BCAS3: variants seen among roughly 807,000 people sequenced by gnomAD.
BCAS3 encodes BCAS3 microtubule associated cell migration factor.
A neutral mutation model predicts 116.1 loss-of-function variants in BCAS3; 53 were observed. The observed-to-expected ratio is 0.46, with a 90% CI of 0.37 to 0.57. The LOEUF (loss-of-function observed/expected upper bound fraction) is 0.57. Ranked by LOEUF, BCAS3 falls within the 20% of genes least tolerant of loss-of-function variation. The pLI is 0.00. For missense variants in BCAS3, 917 were observed against 1,165.4 expected (o/e 0.79, Z 3.10); for synonymous variants, 391 against 408.2 (o/e 0.96, Z 0.51).
At position 60,788,371 on chromosome 17, in the gene BCAS3, G is replaced by A. The variant is rs561375028; in HGVS notation, c.404-19633G>A. ...AAGATTTGTGTTTGGTGCTTTTTAA[G>A]GTCTGATGAGTCTAATCTGTGAAAG... is the stretch of plus-strand genomic sequence containing the variant. On this transcript the variant is annotated intron_variant, in intron 6 of 23. Transcript: ENST00000407086. Among the ~76,000 whole-genome samples, 648 of 152,220 alleles carry A rather than the reference G, an allele frequency of 4.3e-3. 2 individuals carry two copies. The highest frequency in any genetic ancestry group is 7.1e-3 in the Non-Finnish European group (481 of 67,994).
Position 60,680,112 on chromosome 17 carries a change from C to T in BCAS3, c.83+572C>T, listed in dbSNP as rs1215653798. Among the ~76,000 whole-genome samples, 7 of 122,148 alleles carry T rather than the reference C, an allele frequency of 5.7e-5. No individual in the cohort carries two copies. The South Asian group carries it at 7.8e-4, about 14-fold the overall frequency. The allele number at this position is 122,148 out of a possible 152,430, so 80.1% of individuals were successfully genotyped here. A position where few individuals can be genotyped will look rare whatever the true frequency, so the allele number is the denominator to read the frequency against. On this transcript the variant is annotated intron_variant, in intron 2 of 23. Transcript: ENST00000407086. ...TCGCGCCACTGCACCCTAGCCTGGG[C>T]GACACAGCAAGACTCTGTCTCCAAA...
At chr17:61,191,566 G>A (rs2080117673) in intron 22 of BCAS3, among the ~76,000 whole-genome samples, 1 of 151,788 alleles carries the variant, frequency 6.6e-6, no homozygotes, top group Non-Finnish European at 1.5e-5. Flanking sequence ...ACGAGGTCAG[G>A]AGATTGAGAC....
At chr17:61,009,437 A>C (rs2064955469) in intron 15 of BCAS3, among the ~76,000 whole-genome samples, 1 of 152,030 alleles carries the variant, frequency 6.6e-6, no homozygotes, top group Non-Finnish European at 1.5e-5. Context: ...ATTAACAATA[A>C]CTTTTAGAAA....
intron 22 of BCAS3, among the ~76,000 whole-genome samples, chr17:61,116,796 G>GA (rs916756596): frequency 2.0e-5 from 3 of 152,086 alleles, no homozygotes; most frequent in African/African-American, 7.2e-5. Context: ...TTTGTACTCA[G>GA]AAAAAAATAT....
intron 22 of BCAS3, among the ~76,000 whole-genome samples, chr17:61,112,744 A>G (rs1422966087): frequency 6.6e-6 from 1 of 151,096 alleles, no homozygotes; most frequent in African/African-American, 2.4e-5. Flanking sequence ...GACCTAATAG[A>G]CATCTACAGA....
chr17:60,994,561 C>T lies in BCAS3; in HGVS notation c.1486+4326C>T, dbSNP rs2063722894. ...AATGTTAGCTATAAATATGATCTGC[C>T]AATTTTCTGCTTAAGATCTTTGTGT... On this transcript the variant is annotated intron_variant, in intron 15 of 23. Coordinates refer to ENST00000407086, the MANE Select transcript of BCAS3 (RefSeq NM_017679.5). The surrounding 1 kb of genome is among the most constrained non-coding windows in gnomAD (Gnocchi z 4.4). 6.6e-6 allele frequency among the ~76,000 whole-genome samples: 1 copy of T among 152,088 alleles called. No individual in the cohort carries two copies. The highest frequency in any genetic ancestry group is 2.4e-5 in the African/African-American group (1 of 41,406).
intron 13 of BCAS3, among the ~76,000 whole-genome samples, chr17:60,933,717 A>C (rs1043872951): frequency 6.6e-6 from 1 of 152,210 alleles, no homozygotes; most frequent in Non-Finnish European, 1.5e-5. Flanking sequence ...TATTTTTAAC[A>C]TCTATAATGC....
intron 22 of BCAS3, among the ~76,000 whole-genome samples, chr17:61,221,244 G>A (rs1178531227): frequency 6.6e-6 from 1 of 152,186 alleles, no homozygotes; most frequent in East Asian, 1.9e-4. Context: ...TTCTAAAGAA[G>A]ATCTCAGAAT....
At chr17:60,935,681 A>G (rs973659431) in intron 13 of BCAS3, among the ~76,000 whole-genome samples, 1 of 152,206 alleles carries the variant, frequency 6.6e-6, no homozygotes, top group Non-Finnish European at 1.5e-5. Flanking sequence ...TTGATACAGC[A>G]TGCTTGATGA....
At chr17:60,734,110 A>G (rs1033742829) in intron 5 of BCAS3, among the ~76,000 whole-genome samples, 4 of 152,036 alleles carry the variant, frequency 2.6e-5, no homozygotes, top group African/African-American at 9.7e-5. Context: ...CCTGTTATTT[A>G]TTTAGTTTGA....
chr17:60,977,452 A>G (rs2062477380), intron 14 of BCAS3, among the ~76,000 whole-genome samples: 1 of 152,018 alleles, frequency 6.6e-6, no homozygotes, highest in Non-Finnish European at 1.5e-5. Context: ...TACTGAGGTT[A>G]CAGGCATGAG....
At position 61,261,933 on chromosome 17, in the gene BCAS3, G is replaced by C. The variant is rs923648314; in HGVS notation, c.2426-106394G>C. On this transcript the variant is annotated intron_variant, in intron 22 of 23. Transcript: ENST00000407086. The surrounding 1 kb of genome is among the most constrained non-coding windows in gnomAD (Gnocchi z 4.4). ...TTTAGAATTTAGGATGGTTTTCCTA[G>C]TGAAGAGAAAGCTAAGAGAGATGAG... Among the ~76,000 whole-genome samples, 1 of 152,172 alleles carries C rather than the reference G, an allele frequency of 6.6e-6. No individual in the cohort carries two copies. The highest frequency in any genetic ancestry group is 1.5e-5 in the Non-Finnish European group (1 of 68,036).
At chr17:60,851,417 C>A in intron 7 of BCAS3, 1 of 414,390 alleles carries the variant, frequency 2.4e-6, no homozygotes, top group South Asian at 1.9e-5. Flanking sequence ...CCGAAGGGGC[C>A]GCCAAGGAAG....
chr17:60,713,561 C>T (rs1179992960), intron 5 of BCAS3, among the ~76,000 whole-genome samples: 1 of 152,138 alleles, frequency 6.6e-6, no homozygotes, highest in Non-Finnish European at 1.5e-5. Context: ...ATGGTTGTGT[C>T]TGTACTGAAC....
At chr17:61,359,512 T>TTTA (rs2058337493) in intron 22 of BCAS3, among the ~76,000 whole-genome samples, 1 of 151,294 alleles carries the variant, frequency 6.6e-6, no homozygotes. Flanking sequence ...TTTTTTTTTT[T>TTTA]GAGACGGACT....
intron 22 of BCAS3, among the ~76,000 whole-genome samples, chr17:61,177,814 G>A (rs2079233113): frequency 6.6e-6 from 1 of 152,112 alleles, no homozygotes; most frequent in South Asian, 2.1e-4. Context: ...TAATTTAGTA[G>A]GTCTTTTAAG....
chr17:61,039,133 C>T (rs917924796), intron 18 of BCAS3, among the ~76,000 whole-genome samples: 1 of 152,148 alleles, frequency 6.6e-6, no homozygotes, highest in South Asian at 2.1e-4. Context: ...TAGGCAGCAG[C>T]CAGTTTACTT....
At chr17:61,268,398 C>A (rs546800936) in intron 22 of BCAS3, among the ~76,000 whole-genome samples, 210 of 152,174 alleles carry the variant, frequency 1.4e-3, no homozygotes, top group Non-Finnish European at 2.3e-3. Context: ...TTGCCAGATT[C>A]AAATTATTTT....
intron 16 of BCAS3, among the ~76,000 whole-genome samples, chr17:61,027,849 G>A (rs1384033271): frequency 6.6e-6 from 1 of 151,898 alleles, no homozygotes; most frequent in African/African-American, 2.4e-5. Flanking sequence ...TAGTAAATGT[G>A]CAGTAAATGT....
Sources: gnomAD v4.1 joint callset for allele counts (sites outside exome capture counted in the v4.1 genomes callset) on GRCh38, gnomAD v4.1.1 for gene constraint, Gnocchi (gnomAD v3.1) non-coding constraint, MANE v1.5 for transcripts, NCBI Gene and HGNC (gene_info 2026-07-23, HGNC 2026-07-21) for gene names.